RAD51B: variants seen among roughly 807,000 people sequenced by gnomAD.
The protein encoded by RAD51B is RAD51 paralog B.
A neutral mutation model predicts 42.2 loss-of-function variants in RAD51B; 38 were observed. The observed-to-expected ratio is 0.90, with a 90% CI of 0.70 to 1.18. RAD51B has a LOEUF of 1.18. Ranked by LOEUF, RAD51B falls within the 50% of genes most tolerant of loss-of-function variation. The pLI is 0.00. For synonymous variants in RAD51B, 154 were observed against 145.2 expected (o/e 1.06, Z -0.43); for missense variants, 373 against 400.7 (o/e 0.93, Z 0.59).
chr14:68,090,262 A>G (rs1478995062), intron 7 of RAD51B, among the ~76,000 whole-genome samples: 1 of 152,178 alleles, frequency 6.6e-6, no homozygotes, highest in East Asian at 1.9e-4. Context: ...TACTATACTT[A>G]TTTTAAAGCA....
At chr14:68,405,504 C>A (rs1278271599) in intron 8 of RAD51B, among the ~76,000 whole-genome samples, 2 of 152,070 alleles carry the variant, frequency 1.3e-5, no homozygotes, top group African/African-American at 4.8e-5. Flanking sequence ...GCTGTTATTA[C>A]TTTTATGGTG....
At chr14:68,339,010 G>A (rs1183286942) in intron 8 of RAD51B, 16 of 654,974 alleles carry the variant, frequency 2.4e-5, no homozygotes, top group Admixed American at 1.6e-4. Flanking sequence ...TTACAACATG[G>A]GGCAGGCAGG....
chr14:68,319,567 T>A (rs557503908), intron 8 of RAD51B, among the ~76,000 whole-genome samples: 1 of 152,226 alleles, frequency 6.6e-6, no homozygotes, highest in African/African-American at 2.4e-5. Flanking sequence ...TTTATCTTCT[T>A]GTAGCCAGCT....
intron 2 of RAD51B, among the ~76,000 whole-genome samples, chr14:67,824,621 C>T (rs1008150296): frequency 6.6e-6 from 1 of 151,788 alleles, no homozygotes; most frequent in Admixed American, 6.6e-5. Flanking sequence ...GAATTGCTTT[C>T]TGTGTTAAAG....
intron 8 of RAD51B, among the ~76,000 whole-genome samples, chr14:68,334,491 G>A (rs188429177): frequency 4.0e-4 from 61 of 152,280 alleles, no homozygotes; most frequent in Middle Eastern, 3.4e-3. Flanking sequence ...AGGTGGCAGA[G>A]GTAGAAGAGG....
rs143484852 is a variant in RAD51B, at chr14:68,143,327, G to A, written c.757-148557G>A. Among the ~76,000 whole-genome samples the A allele has an allele frequency of 4.0e-3, 607 of 152,290 alleles. 4 individuals are homozygous for A. The highest frequency in any genetic ancestry group is 0.014 in the African/African-American group (572 of 41,554). ...TTGTTCTTGAAGTCCCTAGTTGACA[G>A]ATAATGGTGTGGAAGGAAATGATAC... On this transcript the variant is annotated intron_variant, in intron 7 of 10. Coordinates refer to ENST00000471583, the MANE Select transcript of RAD51B (RefSeq NM_133510.4).
chr14:68,191,620 G>A (rs765462563), intron 7 of RAD51B, among the ~76,000 whole-genome samples: 2 of 152,180 alleles, frequency 1.3e-5, no homozygotes, highest in African/African-American at 2.4e-5. Context: ...CCTGTCTTCT[G>A]TGGTCTCTCT....
chr14:67,967,592 C>T (rs2074807702), intron 7 of RAD51B, among the ~76,000 whole-genome samples: 1 of 152,176 alleles, frequency 6.6e-6, no homozygotes, highest in African/African-American at 2.4e-5. Flanking sequence ...GTACAAAATC[C>T]AGTGGGGCAA....
At chr14:68,400,347 C>G (rs1594783396) in intron 8 of RAD51B, among the ~76,000 whole-genome samples, 1 of 152,182 alleles carries the variant, frequency 6.6e-6, no homozygotes, top group African/African-American at 2.4e-5. Flanking sequence ...CCCTTCCCAG[C>G]TCTCTCCAAA....
chr14:68,540,256 T>C, intron 10 of RAD51B: 1 of 1,026,574 alleles, frequency 9.7e-7, no homozygotes, highest in Non-Finnish European at 1.2e-6. Flanking sequence ...CTGAGTTCCT[T>C]GCACCCTGTT....
intron 7 of RAD51B, among the ~76,000 whole-genome samples, chr14:68,016,851 T>A (rs1193320432): frequency 3.3e-5 from 5 of 152,222 alleles, no homozygotes; most frequent in Non-Finnish European, 7.3e-5. Flanking sequence ...ACTGGAATGT[T>A]TTCTGGAATT....
At chr14:68,655,282 G>A (rs1310987215) in intron 11 of RAD51B, among the ~76,000 whole-genome samples, 5 of 151,988 alleles carry the variant, frequency 3.3e-5, no homozygotes, top group Admixed American at 1.3e-4. Context: ...GATTCACCCC[G>A]GGCCACGGCA....
In RAD51B at chr14:67,915,743, T is replaced by C. The variant is rs532764545; in HGVS notation, c.756+28539T>C. Among the ~76,000 whole-genome samples the C allele has an allele frequency of 8.0e-4, 122 of 152,340 alleles. 1 individual carries two copies. The highest frequency in any genetic ancestry group is 2.9e-3 in the African/African-American group (120 of 41,580). On this transcript the variant is annotated intron_variant, in intron 7 of 10. Transcript: ENST00000471583. Reference sequence around the variant, plus strand: ...ACATACTCAAGAGTTGGATTTTGTTTGTTAGTATTGTCTAAAGTTACAACA... The same window carrying C: ...ACATACTCAAGAGTTGGATTTTGTTCGTTAGTATTGTCTAAAGTTACAACA...
chr14:68,033,744 G>A (rs78171336), intron 7 of RAD51B, among the ~76,000 whole-genome samples: 9,111 of 152,216 alleles, frequency 0.06, 640 homozygotes, highest in African/African-American at 0.17. Context: ...AGTGGAACCT[G>A]TTGATAAATT....
Position 67,834,932 on chromosome 14 carries a change from C to T in RAD51B, c.199-148C>T, listed in dbSNP as rs1046243881. ...CCATAATCTAGCACAGTCCCTGGCA[C>T]AGAGTAAATATTTGTTGAACAAATA... On this transcript the variant is annotated intron_variant, in intron 3 of 10. Transcript: ENST00000471583. 5 of 621,900 alleles carry T rather than the reference C, an allele frequency of 8.0e-6. No individual in the cohort carries two copies. The East Asian group carries it at 1.4e-4, about 18-fold the overall frequency. 38.5% of individuals were successfully genotyped at this position (621,900 alleles called of 1,614,324 possible).
intron 10 of RAD51B, among the ~76,000 whole-genome samples, chr14:68,523,060 C>T (rs1212628329): frequency 6.6e-6 from 1 of 152,154 alleles, no homozygotes; most frequent in Non-Finnish European, 1.5e-5. Context: ...AAAGTGAATC[C>T]CCGGGGACCC....
intron 7 of RAD51B, among the ~76,000 whole-genome samples, chr14:68,038,967 C>G (rs1314183850): frequency 6.6e-6 from 1 of 152,082 alleles, no homozygotes; most frequent in East Asian, 1.9e-4. Context: ...TATCTCTTCA[C>G]AACTTCATGT....
intron 10 of RAD51B, among the ~76,000 whole-genome samples, chr14:68,522,425 C>CA (rs1055414369): frequency 4.6e-5 from 7 of 151,520 alleles, no homozygotes; most frequent in Non-Finnish European, 7.4e-5. Context: ...GAAGAGACTG[C>CA]AAAAAAAATA....
exon 11 of RAD51B, chr14:68,611,187 T>C: frequency 1.4e-6 from 1 of 703,084 alleles, no homozygotes; most frequent in Non-Finnish European, 2.6e-6. Flanking sequence ...CTTCTGCTCT[T>C]CCTCCTACAA....
Sources: gnomAD v4.1 joint callset for allele counts (sites outside exome capture counted in the v4.1 genomes callset) on GRCh38, gnomAD v4.1.1 for gene constraint, MANE v1.5 for transcripts, NCBI Gene and HGNC (gene_info 2026-07-23, HGNC 2026-07-21) for gene names.